Variants in RALGPS1 observed in about 807,000 individuals in gnomAD.
RALGPS1 encodes Ral GEF with PH domain and SH3 binding motif 1.
Under a neutral mutation model 78.8 loss-of-function variants are expected in RALGPS1, and 19 were observed. The observed-to-expected ratio is 0.24, with a 90% CI of 0.17 to 0.35. The LOEUF (loss-of-function observed/expected upper bound fraction) is 0.35, where lower values mean the gene tolerates loss of function less well. Among genes scored for constraint, RALGPS1 ranks in the 10% least tolerant of loss-of-function variants. The pLI, the probability that RALGPS1 is intolerant of heterozygous loss-of-function variation, is 1.00. For synonymous variants in RALGPS1, 228 were observed against 256.3 expected (o/e 0.89, Z 1.06); for missense variants, 454 against 688.3 (o/e 0.66, Z 3.81).
At chr9:127,012,446 C>T (rs535061174) in intron 4 of RALGPS1, among the ~76,000 whole-genome samples, 32 of 152,346 alleles carry the variant, frequency 2.1e-4, no homozygotes, top group Middle Eastern at 3.4e-3. Context: ...CCCTTCCCTC[C>T]TCTTGGACCT....
chr9:127,176,616 CT>C (rs988930295), intron 11 of RALGPS1, among the ~76,000 whole-genome samples: 3 of 152,230 alleles, frequency 2.0e-5, no homozygotes, highest in Non-Finnish European at 4.4e-5. Flanking sequence ...CCTTTGCAGC[CT>C]CTTCAGTTCA....
chr9:127,051,244 A>T (rs1033463937), intron 6 of RALGPS1, among the ~76,000 whole-genome samples: 2 of 152,200 alleles, frequency 1.3e-5, no homozygotes, highest in African/African-American at 4.8e-5. Flanking sequence ...AGAAAGTAGG[A>T]TGTGGTTCCA....
At chr9:127,124,574 G>A (rs74361586) in intron 8 of RALGPS1, among the ~76,000 whole-genome samples, 10 of 152,258 alleles carry the variant, frequency 6.6e-5, no homozygotes, top group South Asian at 6.2e-4. Context: ...GTTTTAGGCC[G>A]CTAAATTTTG....
intron 4 of RALGPS1, among the ~76,000 whole-genome samples, chr9:126,994,804 G>C (rs2042589985): frequency 6.6e-6 from 1 of 152,052 alleles, no homozygotes; most frequent in African/African-American, 2.4e-5. Context: ...CCCACAAAGG[G>C]AAGCCCATCA....
chr9:126,962,127 C>T (rs2038947381), intron 1 of RALGPS1, 98 bp from the exon 2 acceptor site: 1 of 657,778 alleles, frequency 1.5e-6, no homozygotes. Flanking sequence ...TAAAGGTCTC[C>T]TCTGAGATGA....
At chr9:127,016,809 A>G (rs2044875886) in intron 4 of RALGPS1, 2 of 152,120 alleles carry the variant, frequency 1.3e-5, no homozygotes, top group South Asian at 2.1e-4. Context: ...CTTGGCTCCA[A>G]CCTCACTCCA....
Position 127,151,809 on chromosome 9 carries a change from G to GAT in RALGPS1, c.611-14258_611-14257dup, listed in dbSNP as rs1214477966. On this transcript the variant is annotated intron_variant, in intron 8 of 18. Coordinates refer to ENST00000259351, the MANE Select transcript of RALGPS1 (RefSeq NM_014636.3). ...TGATAAACTCTGAGTTCTATCCCTAGATACATTCTGGCTAACTACTTGAAT... is the reference window on the plus strand; with the variant it reads ...TGATAAACTCTGAGTTCTATCCCTAGATATACATTCTGGCTAACTACTTGAAT... 1.2e-4 allele frequency among the ~76,000 whole-genome samples: 18 copies of GAT among 152,078 alleles called. 1 individual carries two copies. The highest frequency in any genetic ancestry group is 4.4e-5 in the Non-Finnish European group (3 of 68,012).
chr9:127,013,796 A>G (rs1036663882), intron 4 of RALGPS1, among the ~76,000 whole-genome samples: 2 of 150,762 alleles, frequency 1.3e-5, no homozygotes, highest in Non-Finnish European at 3.0e-5. Flanking sequence ...CTCCCGACTC[A>G]CTCTCTGATT....
chr9:127,122,577 C>G lies in RALGPS1; in HGVS notation c.611-43492C>G, dbSNP rs760441502. On this transcript the variant is annotated intron_variant, in intron 8 of 18. Transcript: ENST00000259351. This position sits in a 1 kb window ranked among gnomAD's most constrained non-coding sequence, Gnocchi z 6.4. ...AGCGTCAGCCGCTGCCTCAGTGCCACGCTCGGCAGGTCCAGGGCTTGGGGT... is the reference window on the plus strand; with the variant it reads ...AGCGTCAGCCGCTGCCTCAGTGCCAGGCTCGGCAGGTCCAGGGCTTGGGGT... 1 of 153,252 alleles carries G rather than the reference C, an allele frequency of 6.5e-6. No homozygotes were observed. Among genetic ancestry groups the G allele is most frequent in the African/African-American group, 2.4e-5 (1 of 41,484 alleles). The allele number at this position is 153,252 out of a possible 1,614,324, so 9.5% of individuals were successfully genotyped here.
chr9:127,003,726 T>C (rs1212669499), intron 4 of RALGPS1, among the ~76,000 whole-genome samples: 1 of 152,154 alleles, frequency 6.6e-6, no homozygotes, highest in Admixed American at 6.6e-5. Flanking sequence ...TAAAATTTTA[T>C]TTTAAGTTGT....
At chr9:127,128,360 A>T (rs2056776716) in intron 8 of RALGPS1, among the ~76,000 whole-genome samples, 1 of 152,228 alleles carries the variant, frequency 6.6e-6, no homozygotes, top group Non-Finnish European at 1.5e-5. Context: ...ACCAATCAAG[A>T]TGCTTCTCAC....
At chr9:127,206,166 G>A (rs2061920110) in intron 14 of RALGPS1, among the ~76,000 whole-genome samples, 1 of 152,174 alleles carries the variant, frequency 6.6e-6, no homozygotes, top group Admixed American at 6.5e-5. Flanking sequence ...AGGCGCAGGT[G>A]GACACTGCTG....
At chr9:127,128,415 C>G (rs1442825897) in intron 8 of RALGPS1, among the ~76,000 whole-genome samples, 1 of 152,158 alleles carries the variant, frequency 6.6e-6, no homozygotes, top group Non-Finnish European at 1.5e-5. Flanking sequence ...TTTTTCTTTC[C>G]TAGTAGAATG....
intron 1 of RALGPS1, among the ~76,000 whole-genome samples, chr9:126,935,114 C>T (rs528162007): frequency 1.3e-5 from 2 of 152,328 alleles, no homozygotes; most frequent in South Asian, 4.1e-4. Context: ...CCCCAGCTCG[C>T]GGGAGCTCTC....
At chr9:127,057,817 G>C (rs1033598852) in intron 7 of RALGPS1, among the ~76,000 whole-genome samples, 2 of 152,200 alleles carry the variant, frequency 1.3e-5, no homozygotes, top group African/African-American at 4.8e-5. Flanking sequence ...TCATGTTGGG[G>C]AGAATAAACA....
chr9:127,091,640 T>C lies in RALGPS1; in HGVS notation c.610+22284T>C. 6.2e-7 allele frequency: 1 copy of C among 1,603,978 alleles called. No homozygotes were observed. The highest frequency in any genetic ancestry group is 2.2e-5 in the East Asian group (1 of 44,698). ...TCTGGTTGACCTCTTTTCCCTACCC[T>C]GCACCTGGGTTTGACTCCACTTTTC... On this transcript the variant is annotated intron_variant, in intron 8 of 18. Transcript: ENST00000259351. This position sits in a 1 kb window ranked among gnomAD's most constrained non-coding sequence, Gnocchi z 4.3.
At chr9:127,177,720 T>C (rs1406999112) in intron 11 of RALGPS1, among the ~76,000 whole-genome samples, 1 of 152,040 alleles carries the variant, frequency 6.6e-6, no homozygotes, top group African/African-American at 2.4e-5. Flanking sequence ...AAGAATGGGG[T>C]CACTCACTGG....
chr9:127,064,274 C>A (rs1203105248), intron 7 of RALGPS1, among the ~76,000 whole-genome samples: 1 of 152,184 alleles, frequency 6.6e-6, no homozygotes, highest in Non-Finnish European at 1.5e-5. Flanking sequence ...CTGATGGTTT[C>A]TTCCTGAGGC....
rs1299070016 is a variant in RALGPS1, at chr9:127,213,001, G to A, written c.1504G>A (p.Asp502Asn). 3 of 1,614,204 alleles carry A rather than the reference G, an allele frequency of 1.9e-6. No homozygotes were observed. The highest frequency in any genetic ancestry group is 1.7e-5 in the Admixed American group (1 of 60,028). Residue 502 changes from aspartate to asparagine, a missense_variant, in exon 17 of 19, where the codon GAT becomes AAT. Asp to Asn is a conservative substitution (Grantham distance 23). Coordinates refer to ENST00000259351, the MANE Select transcript of RALGPS1 (RefSeq NM_014636.3). The stretch of plus-strand genomic sequence containing the variant: ...CGTGGGCTGGATGGTGCAGCTGCCC[G>A]ATGACCCCGAGCACCCAGATATCTT... ...SIVGWMVQLP[D>N]DPEHPDIFQL...
Sources: allele counts gnomAD v4.1 joint callset (sites outside exome capture counted in the v4.1 genomes callset), GRCh38; gene constraint gnomAD v4.1.1; non-coding constraint Gnocchi (gnomAD v3.1); transcripts MANE v1.5; gene names NCBI Gene and HGNC (gene_info 2026-07-23, HGNC 2026-07-21).